Variants in ZFHX3 observed in about 807,000 individuals in gnomAD.
ZFHX3 encodes zinc finger homeobox protein 3.
ZFHX3 carries 42 observed loss-of-function variants against 279.1 expected under a neutral mutation model. The observed-to-expected ratio is 0.15, with a 90% CI of 0.12 to 0.19. The LOEUF (loss-of-function observed/expected upper bound fraction) is 0.19. ZFHX3 is among the 10% of genes least tolerant of loss of function. The pLI, the probability that ZFHX3 is intolerant of heterozygous loss-of-function variation, is 1.00. For missense variants in ZFHX3, 4,981 were observed against 4,754.0 expected, an observed-to-expected ratio of 1.05 and a Z score of -1.40; for synonymous variants, 2,293 against 1,957.8, an observed-to-expected ratio of 1.17 and a Z score of -4.52.
chr16:73,316,015 A>G (rs2015439223), intron 4 of ZFHX3, among the ~76,000 whole-genome samples: 2 of 152,178 alleles, frequency 1.3e-5, no homozygotes, highest in South Asian at 2.1e-4. Context: ...TGGGGGTTGG[A>G]AACCGCTGGC....
chr16:72,985,269 G>A lies in ZFHX3; in HGVS notation c.-49-25075C>T, dbSNP rs114457688. Among the ~76,000 whole-genome samples the A allele has an allele frequency of 4.4e-3, 663 of 152,020 alleles. 8 individuals carry two copies. The highest frequency in any genetic ancestry group is 0.015 in the African/African-American group (604 of 41,442). On this transcript the variant is annotated intron_variant, in intron 1 of 9. Transcript: ENST00000268489. ...CAGTGAGGCTGATATCATCTCAGGC[G>A]CCACCGACATCTCTCTCCAGCATTC...
chr16:73,581,419 A>C (rs1166536858), intron 2 of ZFHX3, among the ~76,000 whole-genome samples: 1 of 151,566 alleles, frequency 6.6e-6, no homozygotes, highest in African/African-American at 2.4e-5. Context: ...TTTTCTTCTG[A>C]CTCCTTTATT....
chr16:73,067,318 A>G (rs1965767850), intron 8 of ZFHX3, among the ~76,000 whole-genome samples: 1 of 152,170 alleles, frequency 6.6e-6, no homozygotes, highest in African/African-American at 2.4e-5. Context: ...TAAAGGTTAA[A>G]CTTACAGTCT....
chr16:72,921,460 G>A (rs1458958986), intron 3 of ZFHX3, among the ~76,000 whole-genome samples: 1 of 152,212 alleles, frequency 6.6e-6, no homozygotes, highest in Non-Finnish European at 1.5e-5. Flanking sequence ...ATGCAAAAGG[G>A]CAGAGGACTG....
chr16:73,130,871 G>A (rs933623382), intron 7 of ZFHX3: 6 of 1,077,806 alleles, frequency 5.6e-6, no homozygotes, highest in Middle Eastern at 3.1e-4. Context: ...GCCTCCCAAA[G>A]TGCTGGGATC....
chr16:72,829,980 T>C (rs1199461066), intron 4 of ZFHX3, 121 bp from the exon 5 acceptor site: 1 of 999,824 alleles, frequency 1.0e-6, no homozygotes, highest in Non-Finnish European at 1.5e-6. Context: ...CCCCTTCTCT[T>C]TCCAGAGGCC....
chr16:73,011,764 G>C (rs1963927981), intron 1 of ZFHX3, among the ~76,000 whole-genome samples: 1 of 149,754 alleles, frequency 6.7e-6, no homozygotes. Context: ...GGATTCTTAA[G>C]CTTTAAGCTA....
chr16:73,379,425 T>C lies in ZFHX3; in HGVS notation c.-1290-61089A>G, dbSNP rs527436367. ...TGGACAAGGGAAAAGCAGCATACAATATAAAATGGAATAAAAGCCAAGTTC... is the reference window on the plus strand; with the variant it reads ...TGGACAAGGGAAAAGCAGCATACAACATAAAATGGAATAAAAGCCAAGTTC... On this transcript the variant is annotated intron_variant, in intron 3 of 17. Transcript: ENST00000641206. 2.0e-5 allele frequency among the ~76,000 whole-genome samples: 3 copies of C among 152,128 alleles called. No individual in the cohort carries two copies. The East Asian group carries it at 5.8e-4, about 29-fold the overall frequency.
At chr16:73,098,553 G>A (rs1232256297) in intron 7 of ZFHX3, among the ~76,000 whole-genome samples, 1 of 152,116 alleles carries the variant, frequency 6.6e-6, no homozygotes, top group African/African-American at 2.4e-5. Context: ...GTAGAGATGG[G>A]GTTTTGCCAT....
exon 8 of ZFHX3, chr16:73,093,480 A>G (rs1365013911): frequency 2.0e-6 from 1 of 501,160 alleles, no homozygotes; most frequent in East Asian, 5.7e-5. Context: ...CAGAGCTTCC[A>G]GGTCCTGTAA....
chr16:73,057,453 G>T (rs1458747396), intron 1 of ZFHX3, among the ~76,000 whole-genome samples: 1 of 151,538 alleles, frequency 6.6e-6, no homozygotes, highest in East Asian at 1.9e-4. Context: ...TAAAATTCAG[G>T]AACACGGTTT....
chr16:72,922,173 G>A (rs1317238428), intron 3 of ZFHX3, among the ~76,000 whole-genome samples: 1 of 152,166 alleles, frequency 6.6e-6, no homozygotes, highest in Non-Finnish European at 1.5e-5. Context: ...TTCTTGCGGA[G>A]AACTTTAATC....
chr16:73,473,095 C>G (rs967179826), intron 2 of ZFHX3, among the ~76,000 whole-genome samples: 26 of 151,246 alleles, frequency 1.7e-4, no homozygotes, highest in African/African-American at 5.4e-4. Flanking sequence ...ATTCCCACCA[C>G]TTTGGGAGGC....
rs553906111 is a variant in ZFHX3, at chr16:73,509,608, T to TCCA, written c.-1546-53353_-1546-53351dup. Among the ~76,000 whole-genome samples the TCCA allele has an allele frequency of 1.2e-3, 164 of 135,768 alleles. 1 individual carries two copies. The highest frequency in any genetic ancestry group is 4.3e-3 in the African/African-American group (153 of 35,774). The allele number at this position is 135,768 out of a possible 152,430, so 89.1% of individuals were successfully genotyped here. ...GGCACAATCTTGGCTCACTGCAACCTCCACCCCCTGGGTTCAAGCGATTCT... is the reference window on the plus strand; with the variant it reads ...GGCACAATCTTGGCTCACTGCAACCTCCACCACCCCCTGGGTTCAAGCGATTCT... On this transcript the variant is annotated intron_variant, in intron 2 of 17. Transcript: ENST00000641206.
rs1330487169 is a variant in ZFHX3 at position 72,797,070 on chromosome 16, C to A, written c.5612G>T (p.Ser1871Ile). Reference sequence around the variant, plus strand: ...TTTGTTCTTCTTTTCGGGGTGCTGGCTTGGCTGAAGGAGGGCAGAGTGACT... The same window carrying A: ...TTTGTTCTTCTTTTCGGGGTGCTGGATTGGCTGAAGGAGGGCAGAGTGACT... The part of the protein sequence containing the change: ...AQSHSALLQP[S>I]QHPEKKNKLV... The change falls in exon 9 of 10, where the codon AGC becomes ATC. Residue 1871 changes from serine (S) to isoleucine (I), a missense_variant. This residue lies in a region of ZFHX3 where 1,751 missense variants were observed against 1,770.0 expected (regional missense o/e 0.99). Coordinates refer to ENST00000268489, the MANE Select transcript of ZFHX3 (RefSeq NM_006885.4). The A allele has an allele frequency of 6.2e-7, 1 of 1,613,950 alleles. No homozygotes were observed. The highest frequency in any genetic ancestry group is 8.5e-7 in the Non-Finnish European group (1 of 1,180,008).
intron 2 of ZFHX3, among the ~76,000 whole-genome samples, chr16:73,551,373 A>G (rs1178100615): frequency 6.6e-6 from 1 of 152,254 alleles, no homozygotes; most frequent in Non-Finnish European, 1.5e-5. Flanking sequence ...GAGCTAACTA[A>G]TATGACCAAA....
chr16:73,768,194 T>C (rs375631109), intron 1 of ZFHX3, among the ~76,000 whole-genome samples: 16 of 152,274 alleles, frequency 1.1e-4, no homozygotes, highest in East Asian at 7.7e-4. Context: ...CTGTCTTAGA[T>C]TATAAAGTTC....
chr16:73,493,011 CATAAA>C (rs2019079912), intron 2 of ZFHX3, among the ~76,000 whole-genome samples: 1 of 152,076 alleles, frequency 6.6e-6, no homozygotes, highest in African/African-American at 2.4e-5. Context: ...CATATACTGT[CATAAA>C]AGAAATATTT....
intron 5 of ZFHX3, among the ~76,000 whole-genome samples, chr16:73,234,988 A>C (rs2012896547): frequency 6.6e-6 from 1 of 152,260 alleles, no homozygotes; most frequent in Admixed American, 6.5e-5. Flanking sequence ...CCTAAAGCAG[A>C]CAATGCTGTC....
Sources: gnomAD v4.1 joint callset for allele counts (sites outside exome capture counted in the v4.1 genomes callset) on GRCh38, gnomAD v4.1.1 for gene constraint, gnomAD v4.1.1 regional missense constraint, MANE v1.5 for transcripts, NCBI Gene and HGNC (gene_info 2026-07-23, HGNC 2026-07-21) for gene names.